Variants in KHDRBS2 observed in about 807,000 individuals in gnomAD.
KHDRBS2 encodes the protein KH RNA binding domain containing, signal transduction associated 2, also known as KH domain-containing, RNA-binding, signal transduction-associated protein 2.
Under a neutral mutation model 44.3 loss-of-function variants are expected in KHDRBS2, and 26 were observed. That is an observed-to-expected ratio of 0.59 (90% confidence interval 0.43 to 0.81). The LOEUF is 0.81. Ranked by LOEUF, KHDRBS2 falls within the 40% of genes least tolerant of loss-of-function variation. The pLI is 0.00. For synonymous variants in KHDRBS2, 194 were observed against 151.1 expected (o/e 1.28, Z -2.08); for missense variants, 476 against 433.1 (o/e 1.10, Z -0.88).
the KHDRBS2 span, among the ~76,000 whole-genome samples, chr6:61,626,009 C>A: frequency 6.6e-6 from 1 of 152,138 alleles, no homozygotes; most frequent in African/African-American, 2.4e-5. Flanking sequence ...AAATAACAGA[C>A]ATGTTCATCT....
chr6:62,003,406 A>G (rs1778629736), intron 3 of KHDRBS2, among the ~76,000 whole-genome samples: 1 of 152,120 alleles, frequency 6.6e-6, no homozygotes, highest in Non-Finnish European at 1.5e-5. Context: ...CTAAACTCTC[A>G]AGTTATTTCT....
chr6:61,981,962 T>C (rs1773935035), intron 3 of KHDRBS2, among the ~76,000 whole-genome samples: 1 of 152,206 alleles, frequency 6.6e-6, no homozygotes, highest in African/African-American at 2.4e-5. Flanking sequence ...AATTCTATGA[T>C]TTAAATTCCA....
chr6:61,590,343 C>T, the KHDRBS2 span, among the ~76,000 whole-genome samples: 1 of 152,140 alleles, frequency 6.6e-6, no homozygotes, highest in Non-Finnish European at 1.5e-5. Context: ...TGGGTATTGT[C>T]TCTTGCATAC....
chr6:62,040,258 C>T (rs182860695), intron 3 of KHDRBS2, among the ~76,000 whole-genome samples: 27 of 152,046 alleles, frequency 1.8e-4, no homozygotes, highest in East Asian at 1.4e-3. Context: ...TGCACGCACA[C>T]GCACACACAC....
intron 1 of KHDRBS2, among the ~76,000 whole-genome samples, chr6:62,265,575 C>G (rs1273944596): frequency 6.6e-6 from 1 of 151,996 alleles, no homozygotes; most frequent in South Asian, 2.1e-4. Context: ...GAAAATGAAT[C>G]AGCTAAGTGT....
At chr6:61,949,843 A>C (rs1302582170) in intron 4 of KHDRBS2, among the ~76,000 whole-genome samples, 3 of 152,030 alleles carry the variant, frequency 2.0e-5, no homozygotes, top group Middle Eastern at 3.2e-3. Context: ...AACATCCATA[A>C]ATTATTTTAT....
At chr6:61,742,381 C>A (rs773684970) in intron 6 of KHDRBS2, among the ~76,000 whole-genome samples, 6 of 151,904 alleles carry the variant, frequency 3.9e-5, no homozygotes, top group Admixed American at 3.9e-4. Flanking sequence ...ACAACAAAAA[C>A]TAACTGTACA....
chr6:61,586,493 C>T, the KHDRBS2 span, among the ~76,000 whole-genome samples: 1 of 152,180 alleles, frequency 6.6e-6, no homozygotes, highest in African/African-American at 2.4e-5. Flanking sequence ...CCTGTAATGA[C>T]AGTGTCCAAG....
chr6:61,824,241 G>T (rs1231943249), intron 6 of KHDRBS2, among the ~76,000 whole-genome samples: 1 of 151,990 alleles, frequency 6.6e-6, no homozygotes, highest in Non-Finnish European at 1.5e-5. Context: ...AGTGTTGGAG[G>T]GCCTGGTGGG....
intron 1 of KHDRBS2, among the ~76,000 whole-genome samples, chr6:62,228,467 C>A (rs2150157285): frequency 6.6e-6 from 1 of 151,830 alleles, no homozygotes; most frequent in Admixed American, 6.6e-5. Context: ...CTTATTTTTT[C>A]AAAAAACCAG....
intron 4 of KHDRBS2, among the ~76,000 whole-genome samples, chr6:61,954,881 T>TACAC (rs1206516626): frequency 3.5e-5 from 5 of 144,560 alleles, no homozygotes; most frequent in African/African-American, 1.2e-4. Flanking sequence ...TATGTGTATA[T>TACAC]ATGTATATAT....
chr6:61,816,864 G>T, intron 6 of KHDRBS2: 2 of 438,594 alleles, frequency 4.6e-6, no homozygotes, highest in South Asian at 3.2e-5. Context: ...TATGAGTGTT[G>T]TCCTAATTTA....
At chr6:61,547,138 G>C in the KHDRBS2 span, among the ~76,000 whole-genome samples, 1 of 152,076 alleles carries the variant, frequency 6.6e-6, no homozygotes, top group African/African-American at 2.4e-5. Flanking sequence ...CAGATATAGA[G>C]AGAATGTGCA....
chr6:62,076,469 C>G (rs1373450599), intron 2 of KHDRBS2, among the ~76,000 whole-genome samples: 1 of 151,944 alleles, frequency 6.6e-6, no homozygotes, highest in Non-Finnish European at 1.5e-5. Context: ...CATTAAGTGG[C>G]TCTGTAAATT....
In KHDRBS2 at chr6:61,978,158, G is replaced by A; in HGVS notation, c.391C>T (p.Leu131Phe). 1 of 1,611,136 alleles carries A rather than the reference G, an allele frequency of 6.2e-7. No individual in the cohort carries two copies. The highest frequency in any genetic ancestry group is 8.5e-7 in the Non-Finnish European group (1 of 1,177,916). Residue 131 changes from leucine (L) to phenylalanine (F), a missense_variant, in exon 4 of 9, where the codon CTT (leucine) becomes TTT (phenylalanine). By Grantham distance (22) the Leu-to-Phe change is conservative. Transcript: ENST00000281156. The part of the protein sequence containing the change: ...EAKYAHLSDE[L>F]HVLIEVFAPP... Reference sequence around the variant, plus strand: ...GCAAACACTTCAATTAATACATGAAGCTCATCACTCAAGTGGGCATATTTG... The same window carrying A: ...GCAAACACTTCAATTAATACATGAAACTCATCACTCAAGTGGGCATATTTG...
rs1364457175 is a variant in KHDRBS2, at chr6:62,130,214, A to G, written c.219+46971T>C. On this transcript the variant is annotated intron_variant, in intron 2 of 8. Transcript: ENST00000281156. The stretch of plus-strand genomic sequence containing the variant: ...TTAGGGCCATAATTGTGGTAGAATC[A>G]TCCCCTTTAATGAGTAAGTAGAGAT... Among the ~76,000 whole-genome samples, 4 of 152,186 alleles carry G rather than the reference A, an allele frequency of 2.6e-5. No individual in the cohort carries two copies. The East Asian group carries it at 7.7e-4, about 29-fold the overall frequency.
chr6:61,988,984 G>A (rs893941840), intron 3 of KHDRBS2, among the ~76,000 whole-genome samples: 1 of 152,112 alleles, frequency 6.6e-6, no homozygotes, highest in Admixed American at 6.5e-5. Context: ...AAGTTGAGGA[G>A]ATGAAATTCA....
At chr6:61,891,619 C>A (rs1188045346) in intron 6 of KHDRBS2, among the ~76,000 whole-genome samples, 1 of 152,064 alleles carries the variant, frequency 6.6e-6, no homozygotes, top group African/African-American at 2.4e-5. Context: ...TAAACATAAC[C>A]CAGCATATAA....
chr6:62,018,166 G>T (rs934816190), intron 3 of KHDRBS2, among the ~76,000 whole-genome samples: 1 of 146,366 alleles, frequency 6.8e-6, no homozygotes, highest in Non-Finnish European at 1.5e-5. Context: ...TTTTTGAGAC[G>T]GAGTCTTGCT....
Sources: allele counts gnomAD v4.1 joint callset (sites outside exome capture counted in the v4.1 genomes callset), GRCh38; gene constraint gnomAD v4.1.1; transcripts MANE v1.5; gene names NCBI Gene and HGNC (gene_info 2026-07-23, HGNC 2026-07-21).